Variants in OAT observed in about 807,000 individuals in gnomAD.
OAT encodes ornithine aminotransferase.
OAT carries 35 observed loss-of-function variants against 48.4 expected under a neutral mutation model. The observed-to-expected ratio is 0.72, with a 90% confidence interval of 0.55 to 0.96. OAT has a LOEUF of 0.96. Among genes scored for constraint, OAT ranks in the 40% least tolerant of loss-of-function variants. OAT has a pLI of 0.00. For missense variants in OAT, 438 were observed against 537.9 expected (o/e 0.81, Z 1.84); for synonymous variants, 182 against 198.4 (o/e 0.92, Z 0.70).
chr10:124,401,623 T>C, intron 8 of OAT, 103 bp downstream of exon 8: 1 of 777,050 alleles, frequency 1.3e-6, no homozygotes, highest in Non-Finnish European at 2.2e-6. Flanking sequence ...TTCTAATATT[T>C]GGCATTCTTA....
intron 5 of OAT, 144 bp downstream of exon 5, chr10:124,405,292 C>T: frequency 8.3e-7 from 1 of 1,204,362 alleles, no homozygotes; most frequent in Non-Finnish European, 1.2e-6. Flanking sequence ...TAATTGATCG[C>T]TACTGAGAAC....
rs72835561 is a variant in OAT, at chr10:124,417,997, G to A, written c.-30+876C>T. 5.9e-3 allele frequency among the ~76,000 whole-genome samples: 901 copies of A among 152,338 alleles called. 4 individuals are homozygous for A. Among genetic ancestry groups the A allele is most frequent in the Middle Eastern group, 0.02 (6 of 294 alleles). On this transcript the variant is annotated intron_variant, in intron 1 of 9. Coordinates refer to ENST00000368845, the MANE Select transcript of OAT (RefSeq NM_000274.4). ...GGCCTCAGTCCTCTCGCCAGCAAAGGGCGGACAATGACCCCTCCCGTCCCG... is the reference window on the plus strand; with the variant it reads ...GGCCTCAGTCCTCTCGCCAGCAAAGAGCGGACAATGACCCCTCCCGTCCCG...
intron 4 of OAT, chr10:124,407,586 G>A (rs774144723): frequency 1.1e-4 from 28 of 258,712 alleles, no homozygotes; most frequent in Middle Eastern, 1.9e-3. Context: ...TCTGGCCTTC[G>A]GTTGAACTCT....
At chr10:124,412,404 A>G (rs989262619) in intron 1 of OAT, among the ~76,000 whole-genome samples, 8 of 152,138 alleles carry the variant, frequency 5.3e-5, no homozygotes, top group African/African-American at 1.9e-4. Flanking sequence ...CCAGCTACTC[A>G]GGAGACTGAG....
intron 1 of OAT, among the ~76,000 whole-genome samples, chr10:124,413,870 C>T (rs1345027901): frequency 6.6e-6 from 1 of 152,006 alleles, no homozygotes; most frequent in African/African-American, 2.4e-5. Flanking sequence ...TCCCCAGTCA[C>T]CCCCAGCCCT....
chr10:124,414,931 A>T (rs1951873447), intron 1 of OAT: 1 of 147,948 alleles, frequency 6.8e-6, no homozygotes, highest in Non-Finnish European at 1.5e-5. Context: ...TATGAATATT[A>T]GCCAGGTGTG....
chr10:124,408,547 A>G lies in OAT; in HGVS notation c.515T>C (p.Phe172Ser), dbSNP rs746023526. The G allele has an allele frequency of 4.6e-5, 74 of 1,610,226 alleles. No individual in the cohort carries two copies. Among genetic ancestry groups the G allele is most frequent in the Non-Finnish European group, 6.1e-5 (72 of 1,178,538 alleles). ...GIQKYKAKIVFAAGNFWGRTL... is the reference protein window; with the variant it reads ...GIQKYKAKIVSAAGNFWGRTL... ...TAATATTTAATTTCACATACCTGCA[A>G]AAACAATCTTTGCTTTGTATTTCTG... is the stretch of plus-strand genomic sequence containing the variant. The change falls in exon 4 of 10, where the codon TTT becomes TCT. Residue 172 changes from phenylalanine (F) to serine (S), a missense_variant. Coordinates refer to ENST00000368845, the MANE Select transcript of OAT (RefSeq NM_000274.4).
chr10:124,402,850 AT>A, intron 7 of OAT, 76 bp downstream of exon 7: 2 of 1,565,356 alleles, frequency 1.3e-6, no homozygotes, highest in South Asian at 2.2e-5. Context: ...TGTTGTCACA[AT>A]CAGTTGATGT....
intron 4 of OAT, chr10:124,407,134 C>T: frequency 1.0e-6 from 1 of 985,418 alleles, no homozygotes; most frequent in Non-Finnish European, 1.2e-6. Flanking sequence ...CATCCCTTAC[C>T]CACAAGTAAT....
intron 1 of OAT, among the ~76,000 whole-genome samples, chr10:124,416,068 A>G (rs1951910577): frequency 6.6e-6 from 1 of 152,178 alleles, no homozygotes. Flanking sequence ...TAGCATCCAT[A>G]TTAGCTTTTT....
chr10:124,418,083 T>A (rs1033095201), intron 1 of OAT: 1 of 152,326 alleles, frequency 6.6e-6, no homozygotes, highest in Non-Finnish European at 1.5e-5. Flanking sequence ...TCAGCAGGGT[T>A]TGCAAAAAGC....
At chr10:124,416,599 A>G (rs1951924926) in intron 1 of OAT, among the ~76,000 whole-genome samples, 1 of 152,220 alleles carries the variant, frequency 6.6e-6, no homozygotes, top group Non-Finnish European at 1.5e-5. Context: ...CACGTAATTA[A>G]CAGGGTCCTT....
chr10:124,398,260 CA>C (rs1325993614), intron 9 of OAT, among the ~76,000 whole-genome samples, 158 bp from the exon 10 acceptor site: 4 of 152,086 alleles, frequency 2.6e-5, no homozygotes, highest in South Asian at 2.1e-4. Flanking sequence ...CCTGTAATCC[CA>C]GCACTTTGGG....
intron 4 of OAT, among the ~76,000 whole-genome samples, 159 bp downstream of exon 4, chr10:124,408,383 A>G (rs891908829): frequency 7.7e-6 from 1 of 129,146 alleles, no homozygotes; most frequent in Non-Finnish European, 1.6e-5. Flanking sequence ...GGGTCTCCCT[A>G]TGTTGCCCAG....
At chr10:124,407,339 T>G in intron 4 of OAT, 2 of 984,730 alleles carry the variant, frequency 2.0e-6, no homozygotes, top group Non-Finnish European at 2.4e-6. Context: ...TCCACCCCAC[T>G]GACTCACCAG....
rs537724747 is a variant in OAT at position 124,412,185 on chromosome 10, T to C, written c.-14A>G. 19 of 1,610,058 alleles carry C rather than the reference T, an allele frequency of 1.2e-5. No homozygotes were observed. In the Admixed American group the frequency reaches 1.3e-4, roughly 11 times the overall value. On this transcript the variant is annotated 5_prime_UTR_variant, in exon 2 of 10. Coordinates refer to ENST00000368845, the MANE Select transcript of OAT (RefSeq NM_000274.4). ...TTTGGAAAACATTGTGTCCTTCAAG[T>C]AGAAAAACCACAGATCTGTCCAAAG...
intron 1 of OAT, chr10:124,415,054 C>T (rs952491638): frequency 1.1e-5 from 1 of 94,340 alleles, no homozygotes; most frequent in Admixed American, 1.7e-4. Flanking sequence ...ACCAGCACTC[C>T]AGCCTGGGCT....
At chr10:124,400,614 G>C (rs547780552) in intron 9 of OAT, among the ~76,000 whole-genome samples, 1 of 152,068 alleles carries the variant, frequency 6.6e-6, no homozygotes, top group Non-Finnish European at 1.5e-5. Flanking sequence ...TTAGCTGGGC[G>C]TGGTGACAGG....
chr10:124,417,282 GCTTT>G (rs1474966271), intron 1 of OAT, among the ~76,000 whole-genome samples: 4 of 130,116 alleles, frequency 3.1e-5, no homozygotes, highest in South Asian at 2.5e-4. Context: ...AAAACTATAA[GCTTT>G]TTTTTTTTTT....
Sources: allele counts gnomAD v4.1 joint callset (sites outside exome capture counted in the v4.1 genomes callset), GRCh38; gene constraint gnomAD v4.1.1; transcripts MANE v1.5; gene names NCBI Gene and HGNC (gene_info 2026-07-23, HGNC 2026-07-21).